The following PRKAG2 variants were observed in gnomAD, a reference collection of about 807,000 sequenced individuals.
PRKAG2 encodes protein kinase AMP-activated non-catalytic subunit gamma 2.
PRKAG2 carries 26 observed loss-of-function variants against 69.6 expected under a neutral mutation model. The observed-to-expected ratio is 0.37, with a 90% CI of 0.27 to 0.52. The LOEUF (loss-of-function observed/expected upper bound fraction) is 0.52, where lower values mean the gene tolerates loss of function less well. PRKAG2 is among the 20% of genes least tolerant of loss of function. The pLI is 0.90. For synonymous variants in PRKAG2, 293 were observed against 285.0 expected (o/e 1.03, Z -0.28); for missense variants, 557 against 740.0 (o/e 0.75, Z 2.87).
Position 151,807,670 on chromosome 7 carries a change from C to T in PRKAG2, c.115-21129G>A, listed in dbSNP as rs1489790632. 12 of 451,730 alleles carry T rather than the reference C, an allele frequency of 2.7e-5. No individual in the cohort carries two copies. Among genetic ancestry groups the T allele is most frequent in the Non-Finnish European group, 5.4e-5 (12 of 222,482 alleles). The allele number at this position is 451,730 out of a possible 1,614,324, so 28.0% of individuals were successfully genotyped here. ...AGCAGGGTGCGATGTCCCAAACCTA[C>T]ACAACCGTTTCCACTGCCTATTCCC... On this transcript the variant is annotated intron_variant, in intron 1 of 15. Transcript: ENST00000287878. This position sits in a 1 kb window ranked among gnomAD's most constrained non-coding sequence, Gnocchi z 4.4.
intron 3 of PRKAG2, among the ~76,000 whole-genome samples, chr7:151,713,110 G>A (rs546682810): frequency 2.6e-5 from 4 of 152,254 alleles, no homozygotes; most frequent in Non-Finnish European, 5.9e-5. Flanking sequence ...CTGTCAAATC[G>A]AGGCAGAGGG....
chr7:151,818,991 G>A (rs1022971331), intron 1 of PRKAG2, among the ~76,000 whole-genome samples: 6 of 152,234 alleles, frequency 3.9e-5, no homozygotes, highest in African/African-American at 1.4e-4. Context: ...GCTGCTCTGC[G>A]CCGTGAACAT....
At chr7:151,844,749 T>G (rs945488133) in intron 1 of PRKAG2, among the ~76,000 whole-genome samples, 8 of 152,226 alleles carry the variant, frequency 5.3e-5, no homozygotes, top group African/African-American at 1.9e-4. Flanking sequence ...GAGGGATTTT[T>G]GACAGTTCTG....
At chr7:151,655,784 G>C (rs925587043) in intron 4 of PRKAG2, among the ~76,000 whole-genome samples, 1 of 152,158 alleles carries the variant, frequency 6.6e-6, no homozygotes, top group African/African-American at 2.4e-5. Flanking sequence ...CTACCTCATA[G>C]AGCGGTAAGG....
In PRKAG2 at chr7:151,788,543, G is replaced by A. The variant is rs1421586408; in HGVS notation, c.115-2002C>T. 5.3e-5 allele frequency among the ~76,000 whole-genome samples: 8 copies of A among 152,150 alleles called. No homozygotes were observed. The highest frequency in any genetic ancestry group is 8.8e-5 in the Non-Finnish European group (6 of 68,026). On this transcript the variant is annotated intron_variant, in intron 1 of 15. Transcript: ENST00000287878. The surrounding 1 kb of genome is among the most constrained non-coding windows in gnomAD (Gnocchi z 4.6). Reference sequence around the variant, plus strand: ...TAATTGGGTTGATTGTGGTTGAATTGTTTATATATTCTGGTTATTAACCCC... The same window carrying A: ...TAATTGGGTTGATTGTGGTTGAATTATTTATATATTCTGGTTATTAACCCC...
chr7:151,862,389 A>T (rs2079953023), intron 1 of PRKAG2, among the ~76,000 whole-genome samples: 1 of 152,210 alleles, frequency 6.6e-6, no homozygotes, highest in Admixed American at 6.5e-5. Flanking sequence ...TCTTTGAGGT[A>T]TGTGGCTCCC....
intron 10 of PRKAG2, among the ~76,000 whole-genome samples, chr7:151,569,822 T>A (rs1807124193): frequency 6.6e-6 from 1 of 152,202 alleles, no homozygotes; most frequent in Non-Finnish European, 1.5e-5. Context: ...GGAGCAGAAT[T>A]GCCAAGGGAG....
Position 151,593,440 on chromosome 7 carries a change from C to T in PRKAG2, c.864+1905G>A, listed in dbSNP as rs111589757. On this transcript the variant is annotated intron_variant, in intron 6 of 15. Coordinates refer to ENST00000287878, the MANE Select transcript of PRKAG2 (RefSeq NM_016203.4). ...AACTCCTAACCTCAAGTGATCTGCC[C>T]GCCTTGGCCTCCCAAAGCGCTGGAA... Among the ~76,000 whole-genome samples, 1,240 of 152,268 alleles carry T rather than the reference C, an allele frequency of 8.1e-3. 24 individuals carry two copies. Among genetic ancestry groups the T allele is most frequent in the Middle Eastern group, 0.031 (9 of 294 alleles).
chr7:151,627,288 C>T (rs558376524), intron 5 of PRKAG2, among the ~76,000 whole-genome samples: 5 of 152,246 alleles, frequency 3.3e-5, no homozygotes, highest in African/African-American at 1.2e-4. Context: ...CCTACTTTTA[C>T]CTATTTTGAT....
chr7:151,684,161 A>G (rs2151503776), intron 3 of PRKAG2, among the ~76,000 whole-genome samples: 1 of 152,254 alleles, frequency 6.6e-6, no homozygotes, highest in East Asian at 1.9e-4. Flanking sequence ...CAGTATCCTC[A>G]GGGACCCTGC....
chr7:151,588,542 T>C (rs1481266394), intron 6 of PRKAG2, among the ~76,000 whole-genome samples: 1 of 101,948 alleles, frequency 9.8e-6, no homozygotes, highest in Non-Finnish European at 2.2e-5. Flanking sequence ...TTCGTAATTT[T>C]AGGAGGACGG....
At chr7:151,843,611 T>C (rs10277655) in intron 1 of PRKAG2, among the ~76,000 whole-genome samples, 65,261 of 152,090 alleles carry the variant, frequency 0.43, 14,107 homozygotes, top group Middle Eastern at 0.53. Flanking sequence ...AGCTGAGTAT[T>C]TGAGTGTTTG....
intron 10 of PRKAG2, 94 bp downstream of exon 10, chr7:151,570,077 G>A (rs887085455): frequency 1.4e-6 from 2 of 1,435,958 alleles, no homozygotes; most frequent in Admixed American, 3.7e-5. Context: ...TGTTTGGAAT[G>A]AAGAACATGT....
At chr7:151,865,833 C>G (rs2080056711) in intron 1 of PRKAG2, among the ~76,000 whole-genome samples, 1 of 152,076 alleles carries the variant, frequency 6.6e-6, no homozygotes, top group South Asian at 2.1e-4. Flanking sequence ...TCCTGGCTAA[C>G]ACGGTGAAAC....
chr7:151,694,099 C>T (rs1836179856), intron 3 of PRKAG2, among the ~76,000 whole-genome samples: 1 of 152,190 alleles, frequency 6.6e-6, no homozygotes. Context: ...GTCTTGAACT[C>T]CCGACCTCGA....
chr7:151,740,731 AGAG>A (rs1055444216), intron 3 of PRKAG2, among the ~76,000 whole-genome samples: 3 of 152,202 alleles, frequency 2.0e-5, no homozygotes, highest in Non-Finnish European at 2.9e-5. Flanking sequence ...CAAAGGAAGG[AGAG>A]GAGAAGGCCC....
At chr7:151,691,130 G>T (rs1463557552) in intron 3 of PRKAG2, among the ~76,000 whole-genome samples, 3 of 152,122 alleles carry the variant, frequency 2.0e-5, no homozygotes, top group Non-Finnish European at 4.4e-5. Context: ...CAAAGTCTAG[G>T]ATGTGCAAGT....
At chr7:151,664,792 A>G (rs1265020688) in intron 4 of PRKAG2, among the ~76,000 whole-genome samples, 2 of 152,238 alleles carry the variant, frequency 1.3e-5, no homozygotes, top group Admixed American at 1.3e-4. Context: ...TCTCAACTCT[A>G]CAACACCAAT....
rs545465373 is a variant in PRKAG2, at chr7:151,831,762, G to C, written c.114+44745C>G. ...CCCCTGGAGGGAGTTCTGTGTGCCCGACAGGTGCTGTGTCCCAGGCAGGAG... is the reference window on the plus strand; with the variant it reads ...CCCCTGGAGGGAGTTCTGTGTGCCCCACAGGTGCTGTGTCCCAGGCAGGAG... On this transcript the variant is annotated intron_variant, in intron 1 of 15. Coordinates refer to ENST00000287878, the MANE Select transcript of PRKAG2 (RefSeq NM_016203.4). 7.9e-5 allele frequency among the ~76,000 whole-genome samples: 12 copies of C among 152,236 alleles called. No individual in the cohort carries two copies. In the East Asian group the frequency reaches 2.1e-3, roughly 27 times the overall value.
Sources: allele counts gnomAD v4.1 joint callset (sites outside exome capture counted in the v4.1 genomes callset), GRCh38; gene constraint gnomAD v4.1.1; non-coding constraint Gnocchi (gnomAD v3.1); transcripts MANE v1.5; gene names NCBI Gene and HGNC (gene_info 2026-07-23, HGNC 2026-07-21).